The following TBC1D19 variants were observed in gnomAD, a reference collection of about 807,000 sequenced individuals.
The protein encoded by TBC1D19 is TBC1 domain family, member 19.
In TBC1D19, 60 loss-of-function variants were observed where a neutral mutation model predicts 89.0. The ratio of observed to expected loss-of-function variants is 0.67; its 90% CI spans 0.55 to 0.84. The LOEUF is 0.84. Ranked by LOEUF, TBC1D19 falls within the 40% of genes least tolerant of loss-of-function variation. The probability of loss-of-function intolerance (pLI) is 0.00; values close to 1 mark genes in which losing one functional copy is unlikely to be tolerated. For missense variants in TBC1D19, 500 were observed against 610.8 expected, an observed-to-expected ratio of 0.82 and a Z score of 1.91; for synonymous variants, 189 against 199.7, an observed-to-expected ratio of 0.95 and a Z score of 0.45.
the TBC1D19 span, among the ~76,000 whole-genome samples, chr4:26,785,565 A>G: frequency 6.6e-6 from 1 of 152,226 alleles, no homozygotes; most frequent in African/African-American, 2.4e-5. Flanking sequence ...TATTCAGGTA[A>G]ACAAAAGATC....
At chr4:26,765,018 G>A in the TBC1D19 span, among the ~76,000 whole-genome samples, 99 of 152,264 alleles carry the variant, frequency 6.5e-4, no homozygotes, top group African/African-American at 2.3e-3. Context: ...CATGATGTTA[G>A]ATGAATCATG....
intron 7 of TBC1D19, among the ~76,000 whole-genome samples, chr4:26,649,620 G>A (rs2109038715): frequency 6.6e-6 from 1 of 151,948 alleles, no homozygotes; most frequent in South Asian, 2.1e-4. Flanking sequence ...TACCACATAT[G>A]TTTATTGTAT....
intron 3 of TBC1D19, 104 bp downstream of exon 3, chr4:26,614,557 T>A: frequency 4.7e-6 from 3 of 640,474 alleles, no homozygotes; most frequent in Non-Finnish European, 7.3e-6. Flanking sequence ...TTATTATTTA[T>A]CATTAATATT....
chr4:26,812,869 G>A, the TBC1D19 span, among the ~76,000 whole-genome samples: 2 of 151,706 alleles, frequency 1.3e-5, no homozygotes, highest in African/African-American at 2.4e-5. This position sits in a 1 kb window ranked among gnomAD's most constrained non-coding sequence, Gnocchi z 4.2. Context: ...GTAAAAGAAA[G>A]ACTATACAGG....
In TBC1D19 at chr4:26,653,713, T is replaced by G. The variant is rs556482901; in HGVS notation, c.481-5884T>G. 1.0e-2 allele frequency among the ~76,000 whole-genome samples: 1,518 copies of G among 152,298 alleles called. 13 individuals are homozygous for G. The highest frequency in any genetic ancestry group is 0.016 in the Non-Finnish European group (1,092 of 68,026). On this transcript the variant is annotated intron_variant, in intron 7 of 20. Coordinates refer to ENST00000264866, the MANE Select transcript of TBC1D19 (RefSeq NM_018317.4). ...ATTGCAACCCCTGCCTTTTTTTGTT[T>G]CCCATTTGCTTGGTAGATCTTCCTC...
At chr4:26,719,987 A>T (rs1577982128) in intron 14 of TBC1D19, 94 bp from the exon 15 acceptor site, 1 of 1,019,466 alleles carries the variant, frequency 9.8e-7, no homozygotes, top group Non-Finnish European at 1.4e-6. Flanking sequence ...AGTAGTTTTT[A>T]AAATTCCGTT....
chr4:26,777,111 C>G, the TBC1D19 span, among the ~76,000 whole-genome samples: 1 of 149,030 alleles, frequency 6.7e-6, no homozygotes, highest in African/African-American at 2.5e-5. Flanking sequence ...CTTTACATAG[C>G]TCTATTAGGC....
chr4:26,645,550 C>A (rs1743858545), intron 7 of TBC1D19, among the ~76,000 whole-genome samples: 1 of 152,140 alleles, frequency 6.6e-6, no homozygotes. Context: ...ACCATAAAAT[C>A]CCTAGAAGAA....
the TBC1D19 span, among the ~76,000 whole-genome samples, chr4:26,842,639 T>TCTTTCTTTCTTTCTTTCTTC: frequency 6.8e-6 from 1 of 147,328 alleles, no homozygotes; most frequent in African/African-American, 2.6e-5. Flanking sequence ...TTTCTTTCTT[T>TCTTTCTTTCTTTCTTTCTTC]CTTTCTTTTT....
At chr4:26,835,952 T>C in the TBC1D19 span, among the ~76,000 whole-genome samples, 1 of 151,140 alleles carries the variant, frequency 6.6e-6, no homozygotes, top group East Asian at 1.9e-4. Flanking sequence ...ACCACATGCA[T>C]TCTGGTTCTT....
chr4:26,825,517 A>T, the TBC1D19 span, among the ~76,000 whole-genome samples: 2 of 152,218 alleles, frequency 1.3e-5, no homozygotes, highest in East Asian at 1.9e-4. Context: ...TTAAGAAAAA[A>T]ATCCAGGCCA....
the TBC1D19 span, among the ~76,000 whole-genome samples, chr4:26,794,574 A>G: frequency 1.3e-5 from 2 of 152,336 alleles, no homozygotes; most frequent in Admixed American, 1.3e-4. Context: ...AAAATTAATC[A>G]GAAAAGAACT....
intron 13 of TBC1D19, among the ~76,000 whole-genome samples, chr4:26,697,545 C>A (rs1031736978): frequency 6.6e-6 from 1 of 152,120 alleles, no homozygotes; most frequent in African/African-American, 2.4e-5. Flanking sequence ...CAAAGCCTGG[C>A]AGAGACACAA....
intron 15 of TBC1D19, among the ~76,000 whole-genome samples, chr4:26,722,570 G>T (rs1354550154): frequency 2.0e-5 from 3 of 152,146 alleles, no homozygotes; most frequent in Non-Finnish European, 4.4e-5. Flanking sequence ...CAGCAAATCA[G>T]TCTGGGGCCA....
the TBC1D19 span, among the ~76,000 whole-genome samples, chr4:26,809,571 A>T: frequency 1.2e-4 from 18 of 152,156 alleles, no homozygotes. Flanking sequence ...AAGAAGGACT[A>T]CTTAGGGTAG....
the TBC1D19 span, among the ~76,000 whole-genome samples, chr4:26,791,392 G>T: frequency 6.6e-6 from 1 of 152,188 alleles, no homozygotes; most frequent in East Asian, 1.9e-4. Flanking sequence ...GGAGAGTCCA[G>T]CTCAGTGAGG....
chr4:26,627,952 G>A (rs1385023446), intron 4 of TBC1D19, among the ~76,000 whole-genome samples: 2 of 152,164 alleles, frequency 1.3e-5, no homozygotes, highest in African/African-American at 4.8e-5. Context: ...TAGACCTGAA[G>A]TCTTTGCCCA....
At chr4:26,601,012 A>G (rs2109981641) in intron 1 of TBC1D19, among the ~76,000 whole-genome samples, 1 of 152,298 alleles carries the variant, frequency 6.6e-6, no homozygotes, top group African/African-American at 2.4e-5. Flanking sequence ...GAAAAGTACA[A>G]AACAATTAAG....
intron 4 of TBC1D19, among the ~76,000 whole-genome samples, chr4:26,621,657 AAAG>A (rs1490141215): frequency 1.3e-5 from 2 of 152,134 alleles, no homozygotes; most frequent in African/African-American, 2.4e-5. Flanking sequence ...TAGATGGTGA[AAAG>A]AAGCAATATA....
Sources: allele counts gnomAD v4.1 joint callset (sites outside exome capture counted in the v4.1 genomes callset), GRCh38; gene constraint gnomAD v4.1.1; non-coding constraint Gnocchi (gnomAD v3.1); transcripts MANE v1.5; gene names NCBI Gene and HGNC (gene_info 2026-07-23, HGNC 2026-07-21).